Variants in TMEM132C observed in about 807,000 individuals in gnomAD.
TMEM132C encodes protein phosphatase 1, regulatory subunit 152.
Under a neutral mutation model 61.4 loss-of-function variants are expected in TMEM132C, and 29 were observed. The ratio of observed to expected loss-of-function variants is 0.47; its 90% CI spans 0.35 to 0.64. The LOEUF is 0.64. TMEM132C is among the 30% of genes least tolerant of loss of function. The probability of loss-of-function intolerance (pLI) is 0.00; values close to 1 mark genes in which losing one functional copy is unlikely to be tolerated. For synonymous variants in TMEM132C, 656 were observed against 633.1 expected, an observed-to-expected ratio of 1.04 and a Z score of -0.54; for missense variants, 1,408 against 1,476.9, an observed-to-expected ratio of 0.95 and a Z score of 0.76.
intron 3 of TMEM132C, among the ~76,000 whole-genome samples, chr12:128,568,944 G>T (rs897083821): frequency 1.3e-5 from 2 of 152,114 alleles, no homozygotes; most frequent in African/African-American, 4.8e-5. Flanking sequence ...CCTTCTCTGC[G>T]CTGGGCACTC....
chr12:128,677,121 T>C (rs543045623), intron 5 of TMEM132C, among the ~76,000 whole-genome samples: 1 of 152,328 alleles, frequency 6.6e-6, no homozygotes, highest in Non-Finnish European at 1.5e-5. Flanking sequence ...ATCTCATCTA[T>C]GGGGTCCAAG....
intron 1 of TMEM132C, among the ~76,000 whole-genome samples, chr12:128,384,912 A>C: frequency 6.6e-6 from 1 of 152,182 alleles, no homozygotes; most frequent in South Asian, 2.1e-4. Context: ...GCCACGCAGG[A>C]CGTGGTCCTC....
At chr12:128,397,243 G>T (rs895254741) in intron 1 of TMEM132C, among the ~76,000 whole-genome samples, 1 of 152,196 alleles carries the variant, frequency 6.6e-6, no homozygotes, top group South Asian at 2.1e-4. Context: ...TGTGCCCAGG[G>T]GCCATAGGGT....
intron 1 of TMEM132C, among the ~76,000 whole-genome samples, chr12:128,330,969 A>G (rs531229301): frequency 6.6e-6 from 1 of 152,368 alleles, no homozygotes; most frequent in East Asian, 1.9e-4. Context: ...ACAAAATGAC[A>G]GATGCTAGAA....
intron 1 of TMEM132C, among the ~76,000 whole-genome samples, chr12:128,285,279 A>G (rs1235033399): frequency 1.3e-5 from 2 of 152,222 alleles, no homozygotes; most frequent in East Asian, 3.9e-4. Context: ...TTGATATGCA[A>G]TTACTCTGAT....
intron 2 of TMEM132C, among the ~76,000 whole-genome samples, chr12:128,448,676 TTCAGAG>T (rs1334796666): frequency 6.6e-6 from 1 of 152,154 alleles, no homozygotes; most frequent in East Asian, 1.9e-4. Context: ...TAGGAGGAGC[TTCAGAG>T]TCAAACTGCT....
At chr12:128,381,989 C>T (rs1195895279) in intron 1 of TMEM132C, among the ~76,000 whole-genome samples, 1 of 152,020 alleles carries the variant, frequency 6.6e-6, no homozygotes, top group African/African-American at 2.4e-5. Flanking sequence ...CGTTGAAGAC[C>T]CTTCGCAACA....
intron 2 of TMEM132C, among the ~76,000 whole-genome samples, chr12:128,512,983 C>G (rs1217677004): frequency 6.6e-6 from 1 of 152,104 alleles, no homozygotes; most frequent in African/African-American, 2.4e-5. Context: ...CACCGCTGTC[C>G]GTGTAAAGCT....
At chr12:128,470,319 G>C (rs116050439) in intron 2 of TMEM132C, among the ~76,000 whole-genome samples, 2 of 152,184 alleles carry the variant, frequency 1.3e-5, no homozygotes, top group African/African-American at 4.8e-5. Flanking sequence ...CATTTGTCGC[G>C]TGTCCTCTGA....
chr12:128,390,519 C>G (rs1874733512), intron 1 of TMEM132C, among the ~76,000 whole-genome samples: 1 of 152,134 alleles, frequency 6.6e-6, no homozygotes, highest in Non-Finnish European at 1.5e-5. Context: ...TGGGGAGCAC[C>G]CAGTCACTCT....
intron 1 of TMEM132C, among the ~76,000 whole-genome samples, chr12:128,272,135 G>A (rs1870543450): frequency 1.3e-5 from 2 of 152,172 alleles, no homozygotes; most frequent in South Asian, 2.1e-4. Context: ...TAGGATTGCG[G>A]TATAGAACGT....
intron 1 of TMEM132C, among the ~76,000 whole-genome samples, chr12:128,286,818 T>C (rs1871090699): frequency 6.6e-6 from 1 of 152,070 alleles, no homozygotes; most frequent in African/African-American, 2.4e-5. Context: ...AGGGACGTGT[T>C]GGTACCAGAA....
intron 2 of TMEM132C, among the ~76,000 whole-genome samples, chr12:128,514,603 C>T (rs1872664364): frequency 6.6e-6 from 1 of 152,160 alleles, no homozygotes; most frequent in Non-Finnish European, 1.5e-5. Flanking sequence ...GCAAAGTCTT[C>T]ACCCTAAAGA....
At chr12:128,329,301 C>T (rs1872611001) in intron 1 of TMEM132C, among the ~76,000 whole-genome samples, 1 of 151,824 alleles carries the variant, frequency 6.6e-6, no homozygotes, top group Non-Finnish European at 1.5e-5. Flanking sequence ...TATATATATA[C>T]TTTTATGACT....
intron 1 of TMEM132C, among the ~76,000 whole-genome samples, chr12:128,357,773 G>A (rs1242041614): frequency 1.3e-5 from 2 of 151,510 alleles, no homozygotes; most frequent in Non-Finnish European, 2.9e-5. Flanking sequence ...TAAGGCCAGT[G>A]CAGTCCTGGG....
intron 4 of TMEM132C, among the ~76,000 whole-genome samples, chr12:128,628,269 C>A (rs544234091): frequency 9.2e-5 from 14 of 152,264 alleles, no homozygotes; most frequent in African/African-American, 3.1e-4. Flanking sequence ...CCTGAAAAGC[C>A]CACTGCACTT....
At chr12:128,359,213 G>A (rs1873616178) in intron 1 of TMEM132C, among the ~76,000 whole-genome samples, 2 of 152,182 alleles carry the variant, frequency 1.3e-5, no homozygotes, top group South Asian at 2.1e-4. Context: ...ACCTGACACT[G>A]AGTAATTTAT....
intron 2 of TMEM132C, among the ~76,000 whole-genome samples, chr12:128,523,306 T>C (rs977502652): frequency 2.0e-5 from 3 of 152,108 alleles, no homozygotes; most frequent in Admixed American, 1.3e-4. Flanking sequence ...GAGTTTCATT[T>C]TGAGAAGAAG....
At chr12:128,639,389 T>A (rs1223021738) in intron 4 of TMEM132C, among the ~76,000 whole-genome samples, 4 of 151,966 alleles carry the variant, frequency 2.6e-5, no homozygotes. Flanking sequence ...GTGGTAAAGA[T>A]GACAATGATG....
Sources: gnomAD v4.1 joint callset for allele counts (sites outside exome capture counted in the v4.1 genomes callset) on GRCh38, gnomAD v4.1.1 for gene constraint, MANE v1.5 for transcripts, NCBI Gene and HGNC (gene_info 2026-07-23, HGNC 2026-07-21) for gene names.